SYNE1: variants seen among roughly 807,000 people sequenced by gnomAD.
SYNE1 encodes the protein nesprin-1.
Under a neutral mutation model 1,111.0 loss-of-function variants are expected in SYNE1, and 616 were observed. That is an observed-to-expected ratio of 0.55 (90% CI 0.52 to 0.59). The LOEUF is 0.59. SYNE1 is among the 20% of genes least tolerant of loss of function. The pLI, the probability that SYNE1 is intolerant of heterozygous loss-of-function variation, is 0.00. For synonymous variants in SYNE1, 3,855 were observed against 3,825.8 expected (o/e 1.01, Z -0.28); for missense variants, 10,006 against 10,417.0 (o/e 0.96, Z 1.72).
intron 11 of SYNE1, among the ~76,000 whole-genome samples, chr6:152,491,944 C>T (rs573740279): frequency 6.6e-6 from 1 of 152,264 alleles, no homozygotes; most frequent in East Asian, 1.9e-4. Flanking sequence ...CTCCTCCCAC[C>T]CTGTCTGGCT....
intron 3 of SYNE1, among the ~76,000 whole-genome samples, chr6:152,607,027 G>A (rs1330981837): frequency 9.7e-6 from 1 of 103,394 alleles, no homozygotes; most frequent in Admixed American, 1.4e-4. Flanking sequence ...CTCTGTCACC[G>A]AGGCTGGAGT....
chr6:152,208,853 T>C (rs1214344343), intron 124 of SYNE1, among the ~76,000 whole-genome samples: 2 of 152,228 alleles, frequency 1.3e-5, no homozygotes, highest in African/African-American at 2.4e-5. Context: ...CTTGTTATCA[T>C]AGTCTGTATA....
chr6:152,349,409 A>G (rs538326882), intron 72 of SYNE1, among the ~76,000 whole-genome samples: 75 of 152,348 alleles, frequency 4.9e-4, no homozygotes, highest in African/African-American at 1.8e-3. Context: ...TGGTATTGTT[A>G]TCATCCTAAA....
intron 82 of SYNE1, 103 bp from the exon 83 acceptor site, chr6:152,321,989 A>G: frequency 7.8e-7 from 1 of 1,282,344 alleles, no homozygotes; most frequent in Non-Finnish European, 1.1e-6. Flanking sequence ...GAAACCTAGT[A>G]TCTTTTTTGA....
rs571978806 is a variant in SYNE1 at position 152,267,923 on chromosome 6, T to C, written c.18815+133A>G. 349 of 780,392 alleles carry C rather than the reference T, an allele frequency of 4.5e-4. No individual in the cohort carries two copies. The African/African-American group carries it at 4.8e-3, about 11-fold the overall frequency. 48.3% of individuals were successfully genotyped at this position (780,392 alleles called of 1,614,324 possible). A position where few individuals can be genotyped will look rare whatever the true frequency, so the allele number is the denominator to read the frequency against. On this transcript the variant is annotated intron_variant, in intron 100 of 145. Transcript: ENST00000367255. ...ATGTTCAAAATGCAGGTACATTTAC[T>C]ACCCTAAAGTAAAAATAAGATGACT... is the stretch of plus-strand genomic sequence containing the variant.
intron 30 of SYNE1, 147 bp downstream of exon 30, chr6:152,444,264 C>T (rs2098556765): frequency 7.4e-6 from 6 of 808,368 alleles, no homozygotes; most frequent in African/African-American, 3.5e-5. Flanking sequence ...AACCCAGAAG[C>T]GCCAAATTCT....
chr6:152,302,102 A>T (rs369427114), intron 91 of SYNE1, 39 bp from the exon 92 acceptor site: 7 of 1,613,316 alleles, frequency 4.3e-6, no homozygotes, highest in African/African-American at 1.3e-5. Flanking sequence ...TCAGAGCAGC[A>T]TCAAAAGGAA....
rs769840610 is a variant in SYNE1, at chr6:152,391,431, C to T, written c.7850G>A (p.Arg2617Gln). The T allele has an allele frequency of 1.3e-5, 21 of 1,613,920 alleles. No individual in the cohort carries two copies. Among genetic ancestry groups the T allele is most frequent in the Middle Eastern group, 3.3e-4 (2 of 6,060 alleles). The change falls in exon 52 of 146, where the codon CGG becomes CAG. Residue 2617 changes from arginine to glutamine, a missense_variant. This residue lies in a region of SYNE1 where 4,955 missense variants were observed against 5,017.2 expected (regional missense o/e 0.99). Transcript: ENST00000367255. Reference sequence around the variant, plus strand: ...CTCCTGAAGGGCCACCTGGCAGCTCCGGAGTTTCTCTTTGGTCATTCTAAG... The same window carrying T: ...CTCCTGAAGGGCCACCTGGCAGCTCTGGAGTTTCTCTTTGGTCATTCTAAG... The part of the protein sequence containing the change: ...NLLRMTKEKL[R>Q]SCQVALQEHE...
chr6:152,334,339 A>C (rs1590310081), intron 76 of SYNE1, 66 bp from the exon 77 acceptor site: 2 of 1,570,184 alleles, frequency 1.3e-6, no homozygotes, highest in Non-Finnish European at 1.7e-6. Flanking sequence ...TATAGAGAGC[A>C]ACACAGACAT....
chr6:152,485,441 C>A (rs182769718), intron 12 of SYNE1, among the ~76,000 whole-genome samples: 12 of 152,240 alleles, frequency 7.9e-5, no homozygotes, highest in African/African-American at 2.6e-4. Context: ...CAAAATAATG[C>A]AGAATTAAAG....
chr6:152,472,289 A>G lies in SYNE1; in HGVS notation c.1463+12T>C. ...AAAAAGAGACTTCCTTTAAATGCAG[A>G]TATTCTCTTACCTCTCGGCCATGTC... On this transcript the variant is annotated intron_variant, in intron 15 of 145. Transcript: ENST00000367255. 1 of 1,595,394 alleles carries G rather than the reference A, an allele frequency of 6.3e-7. No homozygotes were observed.
chr6:152,471,662 G>A lies in SYNE1; in HGVS notation c.1567C>T (p.Leu523=). The change falls in exon 16 of 146, where the codon CTG becomes TTG. Residue 523 remains leucine (L), a synonymous_variant. Coordinates refer to ENST00000367255, the MANE Select transcript of SYNE1 (RefSeq NM_182961.4). ...CCGTACTTAATGATCCAAGACTTCA[G>A]CTTTGACTCTGCAAGAACCAGCAGT... ...LSLLVLAESK[L]KSWIIKYGRR... 6.2e-7 allele frequency: 1 copy of A among 1,614,014 alleles called. No individual in the cohort carries two copies.
intron 93 of SYNE1, among the ~76,000 whole-genome samples, chr6:152,296,800 G>A (rs2094902395): frequency 6.6e-6 from 1 of 151,800 alleles, no homozygotes; most frequent in Non-Finnish European, 1.5e-5. Flanking sequence ...CTTTGTTAAA[G>A]TAATGCTAAC....
chr6:152,411,986 T>TC lies in SYNE1; in HGVS notation c.6230+1365_6230+1366insG, dbSNP rs1304521241. 1.3e-5 allele frequency among the ~76,000 whole-genome samples: 2 copies of TC among 152,188 alleles called. 1 individual carries two copies. The highest frequency in any genetic ancestry group is 2.9e-5 in the Non-Finnish European group (2 of 68,020). On this transcript the variant is annotated intron_variant, in intron 42 of 145. Transcript: ENST00000367255. ...TATTTACCCAAATGAAATAAAAACT[T>TC]ACGTACATGCAAAAACTTGAATGTG... is the stretch of plus-strand genomic sequence containing the variant.
chr6:152,244,792 A>G (rs1460090546), intron 105 of SYNE1, 136 bp from the exon 106 acceptor site: 16 of 1,236,632 alleles, frequency 1.3e-5, no homozygotes, highest in Non-Finnish European at 1.9e-5. Context: ...AATCATTTCA[A>G]TAAAACAAAT....
At chr6:152,410,598 G>A (rs953035105) in intron 42 of SYNE1, among the ~76,000 whole-genome samples, 1 of 152,146 alleles carries the variant, frequency 6.6e-6, no homozygotes, top group Non-Finnish European at 1.5e-5. Flanking sequence ...AGCCTGGCTT[G>A]GTGGCGCATG....
At chr6:152,299,701 T>C (rs372521034) in intron 93 of SYNE1, among the ~76,000 whole-genome samples, 151 of 152,054 alleles carry the variant, frequency 9.9e-4, no homozygotes, top group African/African-American at 2.7e-3. Flanking sequence ...TTTTTTTTAA[T>C]GAGGGGGGAT....
chr6:152,251,012 C>T (rs546275823), intron 104 of SYNE1, among the ~76,000 whole-genome samples: 27 of 152,232 alleles, frequency 1.8e-4, no homozygotes, highest in South Asian at 4.1e-4. Context: ...TGCGGTGGCG[C>T]GATCTCGGCT....
intron 60 of SYNE1, 65 bp downstream of exon 60, chr6:152,369,406 G>A (rs1293240561): frequency 1.9e-6 from 3 of 1,611,390 alleles, no homozygotes; most frequent in Non-Finnish European, 2.5e-6. Flanking sequence ...GCATGCATCT[G>A]TAAGGTCGAC....
Sources: allele counts gnomAD v4.1 joint callset (sites outside exome capture counted in the v4.1 genomes callset), GRCh38; gene constraint gnomAD v4.1.1; regional missense constraint gnomAD v4.1.1; transcripts MANE v1.5; gene names NCBI Gene and HGNC (gene_info 2026-07-23, HGNC 2026-07-21).